Variants in UNC79 observed in about 807,000 individuals in gnomAD.
The protein encoded by UNC79 is unc-79 subunit of NALCN channel complex, also known as protein unc-79 homolog.
UNC79 carries 37 observed loss-of-function variants against 283.1 expected under a neutral mutation model. That is an observed-to-expected ratio of 0.13 (90% CI 0.10 to 0.17). UNC79 has a LOEUF of 0.17. Among genes scored for constraint, UNC79 ranks in the 10% least tolerant of loss-of-function variants. The pLI, the probability that UNC79 is intolerant of heterozygous loss-of-function variation, is 1.00. For missense variants in UNC79, 2,272 were observed against 3,211.1 expected, an observed-to-expected ratio of 0.71 and a Z score of 7.07; for synonymous variants, 1,107 against 1,200.2, an observed-to-expected ratio of 0.92 and a Z score of 1.61.
At chr14:93,333,319 TG>T (rs2053497734) in exon 1 of UNC79, 2 of 398,848 alleles carry the variant, frequency 5.0e-6, no homozygotes, top group East Asian at 7.1e-5. Flanking sequence ...CATTATTAAA[TG>T]TATCAGAATA....
At chr14:93,348,288 T>C (rs1186137880) in intron 1 of UNC79, 2 of 519,454 alleles carry the variant, frequency 3.9e-6, no homozygotes, top group African/African-American at 1.9e-5. Context: ...GTGCATTATA[T>C]AGATGTATAG....
intron 1 of UNC79, among the ~76,000 whole-genome samples, chr14:93,452,107 T>G (rs1316411905): frequency 6.6e-6 from 1 of 152,216 alleles, no homozygotes. Flanking sequence ...TTATCTCTTC[T>G]GAAAAGTCTT....
In UNC79 at chr14:93,537,919, T is replaced by C. The variant is rs1469582341; in HGVS notation, c.1123-70T>C. 3 of 1,485,190 alleles carry C rather than the reference T, an allele frequency of 2.0e-6. No homozygotes were observed. The South Asian group carries it at 4.0e-5, about 20-fold the overall frequency. The allele number at this position is 1,485,190 out of a possible 1,614,324, so 92.0% of individuals were successfully genotyped here. A position where few individuals can be genotyped will look rare whatever the true frequency, so the allele number is the denominator to read the frequency against. ...CTTCGAGTGGCCCCTTAAGTTTTCA[T>C]TTATTCTGATTCTTAGCCAAGTTTA... On this transcript the variant is annotated intron_variant, in intron 11 of 48. Coordinates refer to ENST00000555664, the Ensembl canonical transcript of UNC79.
At chr14:93,635,124 C>G (rs190913463) in intron 31 of UNC79, among the ~76,000 whole-genome samples, 1 of 152,132 alleles carries the variant, frequency 6.6e-6, no homozygotes, top group Non-Finnish European at 1.5e-5. Context: ...AGGTTGCAGC[C>G]GCACACCCCC....
intron 34 of UNC79, among the ~76,000 whole-genome samples, chr14:93,643,942 A>C (rs896006999): frequency 2.6e-5 from 4 of 152,202 alleles, no homozygotes; most frequent in Non-Finnish European, 5.9e-5. Context: ...AGGAAACCCC[A>C]CTGTTTGTTA....
intron 1 of UNC79, among the ~76,000 whole-genome samples, chr14:93,340,373 C>T (rs1375117739): frequency 2.8e-5 from 4 of 140,822 alleles, no homozygotes; most frequent in East Asian, 4.6e-4. Context: ...ACCCAGGAGG[C>T]GGAGCTTGCA....
intron 47 of UNC79, among the ~76,000 whole-genome samples, chr14:93,697,679 G>A (rs1335463876): frequency 6.6e-6 from 1 of 152,132 alleles, no homozygotes; most frequent in African/African-American, 2.4e-5. Context: ...GCCAAGGAGG[G>A]AGGATTGCTT....
intron 19 of UNC79, among the ~76,000 whole-genome samples, chr14:93,581,907 G>T (rs2063845391): frequency 1.3e-5 from 2 of 152,208 alleles, no homozygotes; most frequent in Admixed American, 6.5e-5. Flanking sequence ...ACTGATCTTG[G>T]AGACTAATGC....
intron 1 of UNC79, among the ~76,000 whole-genome samples, chr14:93,452,084 T>C (rs1192066158): frequency 1.3e-5 from 2 of 152,240 alleles, no homozygotes; most frequent in Non-Finnish European, 2.9e-5. Flanking sequence ...ATCCTTCATG[T>C]CTTACTTAAA....
Position 93,342,952 on chromosome 14 carries a change from CCATATATCATACTATCAGCATGGTAT to C in UNC79, c.-351+9448_-351+9473del, listed in dbSNP as rs570967029. Among the ~76,000 whole-genome samples the C allele has an allele frequency of 1.8e-3, 277 of 152,316 alleles. 1 individual carries two copies. Among genetic ancestry groups the C allele is most frequent in the Middle Eastern group, 3.4e-3 (1 of 294 alleles). On this transcript the variant is annotated intron_variant, in intron 1 of 49. Coordinates refer to the UNC79 transcript ENST00000256339. Reference sequence around the variant, plus strand: ...ACTATCTCAGCCTGGACTTCATTGTCCATATATCATACTATCAGCATGGTATCATATATCATACTATCAGTATTTTG... The same window carrying C: ...ACTATCTCAGCCTGGACTTCATTGTCCATATATCATACTATCAGTATTTTG...
rs2058750387 is a variant in UNC79, at chr14:93,491,973, CTGT to C, written c.712+4223_712+4225del. On this transcript the variant is annotated intron_variant, in intron 5 of 48. Coordinates refer to ENST00000555664, the Ensembl canonical transcript of UNC79. ...TGGGACCAAGTGGTAGGTCATGGTTCTGTTGTTTGAATTTTTATTGGAAGAAGC... is the reference window on the plus strand; with the variant it reads ...TGGGACCAAGTGGTAGGTCATGGTTCTGTTTGAATTTTTATTGGAAGAAGC... Among the ~76,000 whole-genome samples the C allele has an allele frequency of 2.0e-5, 3 of 152,188 alleles. No homozygotes were observed. The South Asian group carries it at 6.2e-4, about 32-fold the overall frequency.
chr14:93,417,064 A>T (rs1234072080), intron 1 of UNC79, among the ~76,000 whole-genome samples: 1 of 152,128 alleles, frequency 6.6e-6, no homozygotes, highest in Non-Finnish European at 1.5e-5. Context: ...TCCTGTCATT[A>T]TGATGTTAGC....
rs1457256744 is a variant in UNC79 at position 93,646,796 on chromosome 14, G to A, written c.6083+150G>A. ...AGGCCAGGGTGGGAGGATCACTCGA[G>A]CCCGGGAGTTCAAGACCATCCTGGG... On this transcript the variant is annotated intron_variant, in intron 35 of 48. Coordinates refer to ENST00000555664, the Ensembl canonical transcript of UNC79. 3 of 726,496 alleles carry A rather than the reference G, an allele frequency of 4.1e-6. No individual in the cohort carries two copies. In the African/African-American group the frequency reaches 5.3e-5, roughly 13 times the overall value. 45.0% of individuals were successfully genotyped at this position (726,496 alleles called of 1,614,324 possible).
intron 41 of UNC79, among the ~76,000 whole-genome samples, chr14:93,679,444 C>T (rs1032320904): frequency 1.4e-5 from 2 of 138,174 alleles, no homozygotes; most frequent in South Asian, 2.5e-4. Flanking sequence ...GGCAACAGAG[C>T]GAGATTCCAT....
In UNC79 at chr14:93,688,743, G is replaced by A. The variant is rs1475918276; in HGVS notation, c.6988G>A (p.Ala2330Thr). The change falls in exon 44 of 49, where the codon GCA becomes ACA. Residue 2330 changes from alanine (A) to threonine (T), a missense_variant. Physicochemically the swap from Ala to Thr is moderately conservative, Grantham distance 58. This residue lies in a region of UNC79 where 225 missense variants were observed against 334.2 expected (regional missense o/e 0.67). Coordinates refer to ENST00000555664, the Ensembl canonical transcript of UNC79. The surrounding 1 kb of genome is among the most constrained non-coding windows in gnomAD (Gnocchi z 4.0). ...TCTCAAAGTGGGGCTGGCCCAGATT[G>A]CAGCCATGGACATCTCACGGGGCAA... 1 of 1,614,014 alleles carries A rather than the reference G, an allele frequency of 6.2e-7. No individual in the cohort carries two copies. The highest frequency in any genetic ancestry group is 2.2e-5 in the East Asian group (1 of 44,864).
At chr14:93,685,873 A>G (rs547744258) in intron 42 of UNC79, among the ~76,000 whole-genome samples, 76 of 152,300 alleles carry the variant, frequency 5.0e-4, no homozygotes, top group Non-Finnish European at 9.6e-4. Flanking sequence ...ACGACCTAAA[A>G]CACAAACTTG....
chr14:93,677,884 G>A (rs1161986136), intron 41 of UNC79, among the ~76,000 whole-genome samples: 1 of 152,128 alleles, frequency 6.6e-6, no homozygotes, highest in East Asian at 1.9e-4. Flanking sequence ...TCCTGACCTC[G>A]TGATATGCCT....
intron 1 of UNC79, among the ~76,000 whole-genome samples, chr14:93,443,790 T>C (rs373097201): frequency 1.3e-5 from 2 of 152,314 alleles, no homozygotes; most frequent in East Asian, 3.9e-4. Flanking sequence ...TTAATTAATA[T>C]TTTGTTTGTT....
intron 16 of UNC79, among the ~76,000 whole-genome samples, chr14:93,574,478 T>C (rs1300170785): frequency 6.6e-6 from 1 of 152,118 alleles, no homozygotes; most frequent in East Asian, 1.9e-4. Context: ...TTTAAGCAGC[T>C]CACAGTGGGA....
Sources: allele counts gnomAD v4.1 joint callset (sites outside exome capture counted in the v4.1 genomes callset), GRCh38; gene constraint gnomAD v4.1.1; regional missense constraint gnomAD v4.1.1; non-coding constraint Gnocchi (gnomAD v3.1); transcripts MANE v1.5; gene names NCBI Gene and HGNC (gene_info 2026-07-23, HGNC 2026-07-21).